The following CES5A variants were observed in gnomAD, a reference collection of about 807,000 sequenced individuals.
CES5A encodes the protein carboxylesterase 5.
Under a neutral mutation model 62.9 loss-of-function variants are expected in CES5A, and 67 were observed. The ratio of observed to expected loss-of-function variants is 1.07; its 90% CI spans 0.88 to 1.31. CES5A has a LOEUF of 1.31. Ranked by LOEUF, CES5A falls within the 50% of genes most tolerant of loss-of-function variation. The probability of loss-of-function intolerance (pLI) is 0.00; values close to 1 mark genes in which losing one functional copy is unlikely to be tolerated. For synonymous variants in CES5A, 296 were observed against 280.8 expected, an observed-to-expected ratio of 1.05 and a Z score of -0.54; for missense variants, 748 against 708.5, an observed-to-expected ratio of 1.06 and a Z score of -0.63.
Position 55,867,362 on chromosome 16 carries a change from G to C in CES5A, c.552-1246C>G, listed in dbSNP as rs533141563. On this transcript the variant is annotated intron_variant, in intron 4 of 12. Coordinates refer to ENST00000290567, the MANE Select transcript of CES5A (RefSeq NM_001143685.2). ...TGCACAATTGCATGTTTCCCGGGATGGGATTAATGAGAGAACAAATGAAAC... is the reference window on the plus strand; with the variant it reads ...TGCACAATTGCATGTTTCCCGGGATCGGATTAATGAGAGAACAAATGAAAC... Among the ~76,000 whole-genome samples, 17 of 152,320 alleles carry C rather than the reference G, an allele frequency of 1.1e-4. No homozygotes were observed. The South Asian group carries it at 3.5e-3, about 32-fold the overall frequency.
chr16:55,939,299 G>A (rs1361881258), intron 2 of CES5A, among the ~76,000 whole-genome samples: 1 of 152,138 alleles, frequency 6.6e-6, no homozygotes, highest in Non-Finnish European at 1.5e-5. Context: ...CAGAGCACAT[G>A]GAAGTAGGGT....
intron 1 of CES5A, among the ~76,000 whole-genome samples, chr16:55,907,106 A>C (rs1432473137): frequency 1.3e-5 from 2 of 152,238 alleles, no homozygotes; most frequent in Non-Finnish European, 2.9e-5. Context: ...TGACGATGAT[A>C]AGATACTAAT....
At chr16:55,931,718 TCCC>T (rs1295693955) in intron 2 of CES5A, among the ~76,000 whole-genome samples, 2 of 151,950 alleles carry the variant, frequency 1.3e-5, no homozygotes, top group Non-Finnish European at 2.9e-5. Flanking sequence ...CTTCCAACCT[TCCC>T]CCAAATTAGG....
chr16:55,904,041 TCA>T (rs1184439688), intron 1 of CES5A, among the ~76,000 whole-genome samples: 1 of 152,176 alleles, frequency 6.6e-6, no homozygotes, highest in Non-Finnish European at 1.5e-5. Flanking sequence ...AACCGTATAC[TCA>T]CAGTGAGATG....
chr16:55,908,715 C>T (rs2034064026), intron 1 of CES5A, among the ~76,000 whole-genome samples: 1 of 152,194 alleles, frequency 6.6e-6, no homozygotes, highest in South Asian at 2.1e-4. Flanking sequence ...TTCTTGCTAC[C>T]TGTATGTTTG....
At chr16:55,918,928 G>T (rs1192209725) in intron 1 of CES5A, among the ~76,000 whole-genome samples, 1 of 152,172 alleles carries the variant, frequency 6.6e-6, no homozygotes, top group Admixed American at 6.5e-5. Context: ...AAAATCCAGG[G>T]TGAGTATCTC....
At chr16:55,871,155 G>C (rs1413315214) in intron 3 of CES5A, among the ~76,000 whole-genome samples, 2 of 152,114 alleles carry the variant, frequency 1.3e-5, no homozygotes, top group African/African-American at 4.8e-5. Flanking sequence ...AGGATGAGAG[G>C]GTGTGGCTAA....
At chr16:55,938,605 C>A (rs561253708) in intron 2 of CES5A, among the ~76,000 whole-genome samples, 1 of 150,076 alleles carries the variant, frequency 6.7e-6, no homozygotes, top group East Asian at 2.0e-4. Context: ...GGTATGGTGG[C>A]GGGTGCCTAT....
intron 1 of CES5A, among the ~76,000 whole-genome samples, chr16:55,914,145 C>A (rs181699749): frequency 3.0e-4 from 45 of 152,266 alleles, no homozygotes; most frequent in African/African-American, 8.2e-4. Context: ...TAAAGTTCAA[C>A]TTTTACAGGG....
At chr16:55,907,127 A>G (rs2034047064) in intron 1 of CES5A, among the ~76,000 whole-genome samples, 1 of 152,250 alleles carries the variant, frequency 6.6e-6, no homozygotes, top group South Asian at 2.1e-4. Context: ...GAGAAATAAG[A>G]ACAGGACTTT....
intron 3 of CES5A, among the ~76,000 whole-genome samples, chr16:55,870,429 G>A (rs1427773214): frequency 6.6e-6 from 1 of 152,226 alleles, no homozygotes; most frequent in Non-Finnish European, 1.5e-5. Context: ...GTCAGGCACA[G>A]TGGCTCACGC....
chr16:55,871,842 G>C (rs566269786), intron 2 of CES5A, 79 bp from the exon 3 acceptor site: 6 of 1,494,424 alleles, frequency 4.0e-6, no homozygotes, highest in Non-Finnish European at 4.6e-6. Flanking sequence ...TTCTGACAGC[G>C]GGGAGGCCTG....
chr16:55,907,598 G>A (rs908038051), intron 1 of CES5A, among the ~76,000 whole-genome samples: 27 of 152,192 alleles, frequency 1.8e-4, no homozygotes, highest in Admixed American at 3.9e-4. Context: ...ATGGTTCATC[G>A]TGGTTCTGGG....
In CES5A at chr16:55,846,443, A is replaced by G. The variant is rs556926195; in HGVS notation, c.*8T>C. 5.4e-5 allele frequency: 86 copies of G among 1,606,580 alleles called. No individual in the cohort carries two copies. In the South Asian group the frequency reaches 8.6e-4, roughly 16 times the overall value. On this transcript the variant is annotated 3_prime_UTR_variant, in exon 13 of 13. Coordinates refer to ENST00000290567, the MANE Select transcript of CES5A (RefSeq NM_001143685.2). ...GAAGGGAAACCAAAATCACAGAAAG[A>G]TAACTTCTCAAGGAGCACAAAAGAA...
At chr16:55,942,151 T>C (rs1466670394) in intron 2 of CES5A, among the ~76,000 whole-genome samples, 4 of 152,164 alleles carry the variant, frequency 2.6e-5, no homozygotes, top group African/African-American at 9.7e-5. Context: ...AAGAATACTT[T>C]TGCATTCTTA....
In CES5A at chr16:55,865,945, A is replaced by G; in HGVS notation, c.705+18T>C. ...TCCGGCACTGAGATTCATTCAAACC[A>G]CAAAGCAGAGAACTCACAAGACTAG... On this transcript the variant is annotated intron_variant, in intron 5 of 12. Transcript: ENST00000290567. 1.2e-6 allele frequency: 2 copies of G among 1,614,092 alleles called. No homozygotes were observed. Among genetic ancestry groups the G allele is most frequent in the South Asian group, 2.2e-5 (2 of 91,068 alleles).
chr16:55,917,577 C>T (rs1303717990), intron 1 of CES5A, among the ~76,000 whole-genome samples: 2 of 152,198 alleles, frequency 1.3e-5, no homozygotes, highest in Non-Finnish European at 2.9e-5. Context: ...CAGATCCTTG[C>T]CATGTAGGCA....
intron 8 of CES5A, among the ~76,000 whole-genome samples, chr16:55,856,966 C>T (rs1280833010): frequency 1.3e-5 from 2 of 152,210 alleles, no homozygotes; most frequent in Non-Finnish European, 2.9e-5. Flanking sequence ...TGTAAGCCTC[C>T]CAGTCTATGG....
At chr16:55,846,710 A>G in intron 12 of CES5A, 28 bp from the exon 13 acceptor site, 1 of 1,613,008 alleles carries the variant, frequency 6.2e-7, no homozygotes, top group Non-Finnish European at 8.5e-7. Context: ...AACAGGGGTG[A>G]GATTTTCCTC....
Sources: allele counts gnomAD v4.1 joint callset (sites outside exome capture counted in the v4.1 genomes callset), GRCh38; gene constraint gnomAD v4.1.1; transcripts MANE v1.5; gene names NCBI Gene and HGNC (gene_info 2026-07-23, HGNC 2026-07-21).